Variants in RFX3 observed in about 807,000 individuals in gnomAD.
The protein encoded by RFX3 is regulatory factor X3, also known as transcription factor RFX3.
Under a neutral mutation model 98.6 loss-of-function variants are expected in RFX3, and 14 were observed. That is an observed-to-expected ratio of 0.14 (90% CI 0.09 to 0.22). The LOEUF is 0.22. Among genes scored for constraint, RFX3 ranks in the 10% least tolerant of loss-of-function variants. The pLI, the probability that RFX3 is intolerant of heterozygous loss-of-function variation, is 1.00. For missense variants in RFX3, 639 were observed against 926.9 expected, an observed-to-expected ratio of 0.69 and a Z score of 4.03; for synonymous variants, 383 against 328.4, an observed-to-expected ratio of 1.17 and a Z score of -1.80.
Position 3,228,860 on chromosome 9 carries a change from T to C in RFX3, c.1998A>G (p.Gly666=), listed in dbSNP as rs1369661105. ...EFGDLNAVSP[G]NLDKDEGSEV... is the part of the protein sequence containing the mutation. The stretch of plus-strand genomic sequence containing the variant: ...TTCGATTCTTACCTTTATCCAGATT[T>C]CCAGGAGACACGGCATTTAAATCAC... Residue 666 remains glycine (G), a synonymous_variant, in exon 16 of 17, where the codon GGA becomes GGG. Coordinates refer to ENST00000617270, the MANE Select transcript of RFX3 (RefSeq NM_001282116.2). 2 of 1,610,780 alleles carry C rather than the reference T, an allele frequency of 1.2e-6. No individual in the cohort carries two copies. Among genetic ancestry groups the C allele is most frequent in the Admixed American group, 3.4e-5 (2 of 59,214 alleles).
intron 1 of RFX3, among the ~76,000 whole-genome samples, chr9:3,426,840 T>C (rs1355707160): frequency 7.9e-5 from 12 of 152,184 alleles, no homozygotes. Flanking sequence ...TCATTATATA[T>C]TACAATGTAA....
At chr9:3,294,636 CA>C (rs1827782727) in intron 5 of RFX3, among the ~76,000 whole-genome samples, 2 of 152,090 alleles carry the variant, frequency 1.3e-5, no homozygotes, top group Admixed American at 1.3e-4. Context: ...AAAATATTTT[CA>C]GAATTACTGA....
chr9:3,232,866 CAGAG>C (rs551365978), intron 15 of RFX3, among the ~76,000 whole-genome samples: 3 of 150,752 alleles, frequency 2.0e-5, no homozygotes, highest in African/African-American at 7.4e-5. Flanking sequence ...GAGAGACAGA[CAGAG>C]AGAAACACCC....
At chr9:3,334,118 A>C (rs28550268) in intron 3 of RFX3, among the ~76,000 whole-genome samples, 1 of 152,154 alleles carries the variant, frequency 6.6e-6, no homozygotes, top group African/African-American at 2.4e-5. Flanking sequence ...ATAACTTTTT[A>C]TATCTGTCAA....
chr9:3,525,556 G>A (rs570588680), intron 1 of RFX3, among the ~76,000 whole-genome samples, 191 bp downstream of exon 1: 2 of 152,038 alleles, frequency 1.3e-5, no homozygotes, highest in East Asian at 1.9e-4. Context: ...CGGCGCGCAG[G>A]GTCCATTGTA....
At chr9:3,440,415 T>C (rs571974773) in intron 1 of RFX3, among the ~76,000 whole-genome samples, 37 of 152,186 alleles carry the variant, frequency 2.4e-4, no homozygotes, top group African/African-American at 8.9e-4. Flanking sequence ...AAAATCAATA[T>C]TTAAATCCAT....
Position 3,330,249 on chromosome 9 carries a change from A to G in RFX3, c.474+10T>C. The G allele has an allele frequency of 6.2e-7, 1 of 1,613,716 alleles. No homozygotes were observed. The highest frequency in any genetic ancestry group is 1.1e-5 in the South Asian group (1 of 91,060). On this transcript the variant is annotated intron_variant, in intron 4 of 16. Transcript: ENST00000617270. ...AGCTAAACTAAACTACTAAAAATTCAAATACTTACTGTCGCTGGGGAGGCC... is the reference window on the plus strand; with the variant it reads ...AGCTAAACTAAACTACTAAAAATTCGAATACTTACTGTCGCTGGGGAGGCC...
rs1480049265 is a variant in RFX3, at chr9:3,218,485, A to G, written c.*6557T>C. The G allele has an allele frequency of 6.6e-6, 1 of 152,180 alleles. No individual in the cohort carries two copies. The highest frequency in any genetic ancestry group is 1.5e-5 in the Non-Finnish European group (1 of 68,020). 9.4% of individuals were successfully genotyped at this position (152,180 alleles called of 1,614,324 possible). ...GTTAATATATATTTTTATAATTATA[A>G]AAGTTCCCCAGTTATTGTACAGTAC... On this transcript the variant is annotated 3_prime_UTR_variant, in exon 17 of 17. Transcript: ENST00000617270.
intron 1 of RFX3, among the ~76,000 whole-genome samples, chr9:3,508,212 T>C (rs1817301000): frequency 6.6e-6 from 1 of 151,966 alleles, no homozygotes; most frequent in Admixed American, 6.6e-5. Context: ...TGAGTTTCCT[T>C]CTCTGCACAT....
chr9:3,363,189 T>C, intron 2 of RFX3, among the ~76,000 whole-genome samples: 1 of 152,232 alleles, frequency 6.6e-6, no homozygotes, highest in East Asian at 1.9e-4. Context: ...GAGCTAAAGA[T>C]GTCAAGCTTA....
intron 7 of RFX3, among the ~76,000 whole-genome samples, chr9:3,283,795 A>C (rs571707817): frequency 1.4e-4 from 22 of 151,864 alleles, no homozygotes; most frequent in Non-Finnish European, 2.4e-4. Flanking sequence ...TTCCTCAGTT[A>C]CTTGAAACAT....
intron 14 of RFX3, among the ~76,000 whole-genome samples, chr9:3,249,741 A>C (rs1348013976): frequency 6.6e-6 from 1 of 152,114 alleles, no homozygotes; most frequent in Non-Finnish European, 1.5e-5. Flanking sequence ...AATTGTGATC[A>C]TATAATTTTT....
chr9:3,225,587 C>T lies in RFX3; in HGVS notation c.2012-307G>A, dbSNP rs535631698. On this transcript the variant is annotated intron_variant, in intron 16 of 16. Coordinates refer to ENST00000617270, the MANE Select transcript of RFX3 (RefSeq NM_001282116.2). ...CCCTAAGTGTTATATTAAATAATGG[C>T]ATAATTTGTGTCATAATAAAATAGT... Among the ~76,000 whole-genome samples the T allele has an allele frequency of 5.3e-5, 8 of 152,096 alleles. No individual in the cohort carries two copies. In the South Asian group the frequency reaches 1.0e-3, roughly 20 times the overall value.
At chr9:3,517,935 G>C (rs1564198883) in intron 1 of RFX3, among the ~76,000 whole-genome samples, 2 of 152,174 alleles carry the variant, frequency 1.3e-5, no homozygotes, top group Admixed American at 6.5e-5. Flanking sequence ...ACAAAATGGA[G>C]CTCAAAAATT....
chr9:3,354,131 C>T (rs1455630742), intron 2 of RFX3, among the ~76,000 whole-genome samples: 2 of 151,634 alleles, frequency 1.3e-5, no homozygotes, highest in Non-Finnish European at 2.9e-5. Flanking sequence ...AGAACAGAGG[C>T]AAAAAAGAAA....
rs576437620 is a variant in RFX3, at chr9:3,269,121, G to C, written c.1357+1250C>G. On this transcript the variant is annotated intron_variant, in intron 11 of 16. Transcript: ENST00000617270. ...TTAGCCAGGAAACTTGCTGTAGGTA[G>C]AGTAGAATATATTACCAATTTACAA... 3.3e-5 allele frequency among the ~76,000 whole-genome samples: 5 copies of C among 151,870 alleles called. 1 individual carries two copies. Among genetic ancestry groups the C allele is most frequent in the Admixed American group, 1.3e-4 (2 of 15,218 alleles).
At chr9:3,367,532 T>C (rs777322342) in intron 2 of RFX3, among the ~76,000 whole-genome samples, 1 of 152,162 alleles carries the variant, frequency 6.6e-6, no homozygotes, top group East Asian at 1.9e-4. Flanking sequence ...TAAGTGGGTG[T>C]TGTTTTGAGC....
At chr9:3,505,262 T>TTA (rs1280093316) in intron 1 of RFX3, among the ~76,000 whole-genome samples, 7 of 73,596 alleles carry the variant, frequency 9.5e-5, no homozygotes, top group Non-Finnish European at 1.4e-4. Flanking sequence ...GAATATATAT[T>TTA]TATATATATA....
intron 4 of RFX3, among the ~76,000 whole-genome samples, chr9:3,311,577 G>C (rs1157679494): frequency 6.6e-6 from 1 of 152,102 alleles, no homozygotes; most frequent in Non-Finnish European, 1.5e-5. Flanking sequence ...AAAATCATTT[G>C]GGTACCTGTT....
Sources: allele counts gnomAD v4.1 joint callset (sites outside exome capture counted in the v4.1 genomes callset), GRCh38; gene constraint gnomAD v4.1.1; transcripts MANE v1.5; gene names NCBI Gene and HGNC (gene_info 2026-07-23, HGNC 2026-07-21).